DUS4L: variants seen among roughly 807,000 people sequenced by gnomAD.
DUS4L encodes the protein dihydrouridine synthase 4 like, also known as tRNA-dihydrouridine(20a/20b) synthase [NAD(P)+]-like.
Under a neutral mutation model 33.8 loss-of-function variants are expected in DUS4L, and 31 were observed. That is an observed-to-expected ratio of 0.92 (90% CI 0.69 to 1.24). The LOEUF (loss-of-function observed/expected upper bound fraction) is 1.24. Ranked by LOEUF, DUS4L falls within the 50% of genes most tolerant of loss-of-function variation. The pLI is 0.00. For missense variants in DUS4L, 368 were observed against 388.6 expected, an observed-to-expected ratio of 0.95 and a Z score of 0.45; for synonymous variants, 103 against 120.3, an observed-to-expected ratio of 0.86 and a Z score of 0.94.
At chr7:107,572,017 C>CTT (rs74977605) in intron 4 of DUS4L, among the ~76,000 whole-genome samples, 11 of 142,684 alleles carry the variant, frequency 7.7e-5, no homozygotes, top group African/African-American at 1.8e-4. Flanking sequence ...AGCCATGAAT[C>CTT]TTTTTTTTTT....
At chr7:107,564,957 A>C (rs538217501) in intron 2 of DUS4L, among the ~76,000 whole-genome samples, 4 of 152,324 alleles carry the variant, frequency 2.6e-5, no homozygotes, top group African/African-American at 9.6e-5. Context: ...CGCTGTTCTA[A>C]GTATTTTATA....
At chr7:107,574,567 A>G (rs1303378288) in intron 5 of DUS4L, among the ~76,000 whole-genome samples, 2 of 151,956 alleles carry the variant, frequency 1.3e-5, no homozygotes, top group African/African-American at 4.8e-5. Flanking sequence ...CAAACTCCCA[A>G]CCTCAGGTGA....
rs1805747193 is a variant in DUS4L, at chr7:107,576,325, T to C, written c.480-41T>C. 3 of 1,562,544 alleles carry C rather than the reference T, an allele frequency of 1.9e-6. No individual in the cohort carries two copies. In the South Asian group the frequency reaches 3.5e-5, roughly 18 times the overall value. ...AGTCAGTTAATGTTAGCATTAAGATTTGTGTGCTGTGAACAGATAAATGTA... is the reference window on the plus strand; with the variant it reads ...AGTCAGTTAATGTTAGCATTAAGATCTGTGTGCTGTGAACAGATAAATGTA... On this transcript the variant is annotated intron_variant, in intron 6 of 7. Coordinates refer to ENST00000265720, the MANE Select transcript of DUS4L (RefSeq NM_181581.3).
Position 107,566,478 on chromosome 7 carries a change from T to C in DUS4L, c.-21-572T>C, listed in dbSNP as rs527421363. ...TACAATGCAATTGTAGAATTATAAT[T>C]GAAATTTTCACTAGATAATATCACA... On this transcript the variant is annotated intron_variant, in intron 2 of 7. Coordinates refer to ENST00000265720, the MANE Select transcript of DUS4L (RefSeq NM_181581.3). Among the ~76,000 whole-genome samples the C allele has an allele frequency of 6.6e-5, 10 of 152,330 alleles. 3 individuals carry two copies. Among genetic ancestry groups the C allele is most frequent in the African/African-American group, 2.4e-4 (10 of 41,576 alleles).
At chr7:107,565,661 T>C (rs2283042) in intron 2 of DUS4L, among the ~76,000 whole-genome samples, 64,468 of 151,866 alleles carry the variant, frequency 0.42, 13,933 homozygotes, top group Non-Finnish European at 0.47. Context: ...GTAGTTGGGA[T>C]CACAGTCGCT....
In DUS4L at chr7:107,571,254, A is replaced by C; in HGVS notation, c.226A>C (p.Thr76Pro). 1 of 1,609,042 alleles carries C rather than the reference A, an allele frequency of 6.2e-7. No individual in the cohort carries two copies. Among genetic ancestry groups the C allele is most frequent in the Non-Finnish European group, 8.5e-7 (1 of 1,178,838 alleles). ...TATAAAAGCCAGAGACAGCGAATTT[A>C]CCACAAATCAAGGTATGTGAAACCG... ...KSIKARDSEFTTNQGDCPLIV... is the reference protein window; with the variant it reads ...KSIKARDSEFPTNQGDCPLIV... Residue 76 changes from threonine to proline, a missense_variant, in exon 4 of 8, where the codon ACC (threonine) becomes CCC (proline). Coordinates refer to ENST00000265720, the MANE Select transcript of DUS4L (RefSeq NM_181581.3).
At position 107,564,417 on chromosome 7, in the gene DUS4L, G is replaced by T. The variant is rs559251393; in HGVS notation, c.-110-171G>T. On this transcript the variant is annotated intron_variant, in intron 1 of 7. Transcript: ENST00000265720. ...GGCACTCCTGGGGTAATAAAAGCCC[G>T]CAGGAAATGCTTGGGAAGAAAAGTT... The T allele has an allele frequency of 7.1e-5, 13 of 182,368 alleles. No individual in the cohort carries two copies. In the South Asian group the frequency reaches 1.4e-3, roughly 20 times the overall value. 11.3% of individuals were successfully genotyped at this position (182,368 alleles called of 1,614,324 possible).
chr7:107,573,699 G>A lies in DUS4L; in HGVS notation c.239-5G>A, dbSNP rs748997166. ...ATTTTAATGTTGAGCTATTCATTTT[G>A]TCAGGTGATTGCCCATTGATTGTTC... is the stretch of plus-strand genomic sequence containing the variant. On this transcript the variant is annotated splice_region_variant and splice_polypyrimidine_tract_variant and intron_variant, in intron 4 of 7. Coordinates refer to ENST00000265720, the MANE Select transcript of DUS4L (RefSeq NM_181581.3). The A allele has an allele frequency of 1.3e-5, 21 of 1,604,132 alleles. No homozygotes were observed. Among genetic ancestry groups the A allele is most frequent in the Non-Finnish European group, 1.6e-5 (19 of 1,176,466 alleles).
chr7:107,575,755 A>G (rs944570785), intron 6 of DUS4L: 1 of 161,114 alleles, frequency 6.2e-6, no homozygotes, highest in South Asian at 1.8e-4. Flanking sequence ...GCAGTGGCAC[A>G]ATCTTGGCTC....
chr7:107,565,146 T>TC, intron 2 of DUS4L, among the ~76,000 whole-genome samples: 1 of 152,228 alleles, frequency 6.6e-6, no homozygotes, highest in Middle Eastern at 3.4e-3. Flanking sequence ...TTGGCTTTAT[T>TC]CCCCCCAGTG....
chr7:107,576,483 T>C lies in DUS4L; in HGVS notation c.597T>C (p.Tyr199=). Residue 199 remains tyrosine (Y), a synonymous_variant, in exon 7 of 8, where the codon TAT becomes TAC. Transcript: ENST00000265720. ...TAEERHQPVH[Y]DSIKIIKENM... is the part of the protein sequence containing the mutation. ...AAGAAAGACATCAGCCAGTGCACTA[T>C]GATTCCATTAAAATAATTAAGGAAA... The C allele has an allele frequency of 1.2e-6, 2 of 1,611,670 alleles. No individual in the cohort carries two copies. Among genetic ancestry groups the C allele is most frequent in the Non-Finnish European group, 1.7e-6 (2 of 1,179,334 alleles).
chr7:107,575,426 G>T, intron 6 of DUS4L, 116 bp downstream of exon 6: 2 of 1,143,172 alleles, frequency 1.7e-6, no homozygotes, highest in Non-Finnish European at 2.4e-6. Flanking sequence ...GGTAGCTGGT[G>T]TATGGAAATG....
chr7:107,573,632 A>G (rs1805462975), intron 4 of DUS4L, 72 bp from the exon 5 acceptor site: 4 of 1,453,112 alleles, frequency 2.8e-6, no homozygotes, highest in East Asian at 5.0e-5. Context: ...CTGTACAAAC[A>G]TTAAAGTTTG....
intron 3 of DUS4L, chr7:107,570,761 C>A (rs1805146400): frequency 4.5e-6 from 1 of 220,130 alleles, no homozygotes; most frequent in Admixed American, 5.4e-5. Context: ...TCAGACAGAA[C>A]ATTTTCCTGG....
chr7:107,564,228 C>T lies in DUS4L; in HGVS notation c.-111+19C>T. 1.7e-6 allele frequency: 1 copy of T among 585,338 alleles called. No individual in the cohort carries two copies. Among genetic ancestry groups the T allele is most frequent in the Non-Finnish European group, 3.1e-6 (1 of 327,666 alleles). 36.3% of individuals were successfully genotyped at this position (585,338 alleles called of 1,614,324 possible). A position where few individuals can be genotyped will look rare whatever the true frequency, so the allele number is the denominator to read the frequency against. On this transcript the variant is annotated intron_variant, in intron 1 of 7. Transcript: ENST00000265720. Reference sequence around the variant, plus strand: ...GGAGAAGGTGGGCACCGGAACGTGGCCGCAGCGCTTATCTGTGAAGCAAGT... The same window carrying T: ...GGAGAAGGTGGGCACCGGAACGTGGTCGCAGCGCTTATCTGTGAAGCAAGT...
chr7:107,571,394 A>G (rs1047962775), intron 4 of DUS4L, 128 bp downstream of exon 4: 1 of 1,346,612 alleles, frequency 7.4e-7, no homozygotes, highest in Non-Finnish European at 9.9e-7. Context: ...AGTGTTTTTA[A>G]TAAGTATTTT....
At chr7:107,574,261 A>G (rs1805527080) in intron 5 of DUS4L, among the ~76,000 whole-genome samples, 2 of 151,770 alleles carry the variant, frequency 1.3e-5, no homozygotes, top group Admixed American at 1.3e-4. Context: ...TATTATAATC[A>G]CTTTTTCTTT....
At chr7:107,568,117 GTGTACAAATACCCA>G (rs1394091932) in intron 3 of DUS4L, among the ~76,000 whole-genome samples, 2 of 152,132 alleles carry the variant, frequency 1.3e-5, no homozygotes, top group Non-Finnish European at 2.9e-5. Context: ...TGAACTATGG[GTGTACAAATACCCA>G]TATACAAATA....
At position 107,576,497 on chromosome 7, in the gene DUS4L, T is replaced by C; in HGVS notation, c.611T>C (p.Ile204Thr). The C allele has an allele frequency of 6.2e-7, 1 of 1,610,574 alleles. No individual in the cohort carries two copies. The highest frequency in any genetic ancestry group is 8.5e-7 in the Non-Finnish European group (1 of 1,179,004). Residue 204 changes from isoleucine (I) to threonine (T), a missense_variant, in exon 7 of 8, where the codon ATA becomes ACA. Physicochemically the swap from Ile to Thr is moderately conservative, Grantham distance 89. Coordinates refer to ENST00000265720, the MANE Select transcript of DUS4L (RefSeq NM_181581.3). ...CCAGTGCACTATGATTCCATTAAAA[T>C]AATTAAGGAAAATATGTCTATACCT... is the stretch of plus-strand genomic sequence containing the variant. ...HQPVHYDSIK[I>T]IKENMSIPVI...
Sources: gnomAD v4.1 joint callset for allele counts (sites outside exome capture counted in the v4.1 genomes callset) on GRCh38, gnomAD v4.1.1 for gene constraint, MANE v1.5 for transcripts, NCBI Gene and HGNC (gene_info 2026-07-23, HGNC 2026-07-21) for gene names.